The following ADCY8 variants were observed in gnomAD, a reference collection of about 807,000 sequenced individuals.
The protein encoded by ADCY8 is adenylate cyclase type 8.
A neutral mutation model predicts 119.7 loss-of-function variants in ADCY8; 51 were observed. The observed-to-expected ratio is 0.43, with a 90% CI of 0.34 to 0.54. ADCY8 has a LOEUF of 0.54. Among genes scored for constraint, ADCY8 ranks in the 20% least tolerant of loss-of-function variants. The probability of loss-of-function intolerance (pLI) is 0.03; values close to 1 mark genes in which losing one functional copy is unlikely to be tolerated. For missense variants in ADCY8, 1,383 were observed against 1,598.8 expected (o/e 0.87, Z 2.30); for synonymous variants, 665 against 651.0 (o/e 1.02, Z -0.33).
Position 130,905,809 on chromosome 8 carries a change from G to A in ADCY8, c.1641-1767C>T, listed in dbSNP as rs531512336. ...CAGACAGTTGAAGCTATAGTGAGCC[G>A]AGATCATGCCACTGCACTTCATTCT... On this transcript the variant is annotated intron_variant, in intron 6 of 17. Transcript: ENST00000286355. 7.8e-4 allele frequency among the ~76,000 whole-genome samples: 118 copies of A among 152,242 alleles called. 1 individual carries two copies. The highest frequency in any genetic ancestry group is 2.8e-3 in the African/African-American group (115 of 41,524).
chr8:130,866,179 A>C (rs972056191), intron 9 of ADCY8, among the ~76,000 whole-genome samples: 1 of 151,980 alleles, frequency 6.6e-6, no homozygotes, highest in Non-Finnish European at 1.5e-5. Flanking sequence ...TGGTTTTGCT[A>C]TCTAGTTGGT....
intron 1 of ADCY8, among the ~76,000 whole-genome samples, chr8:130,993,526 T>C (rs1453172120): frequency 6.6e-6 from 1 of 152,216 alleles, no homozygotes; most frequent in African/African-American, 2.4e-5. Context: ...GTAGCTCCCA[T>C]AATTCTGAGG....
At chr8:130,924,620 A>T (rs762866572) in intron 5 of ADCY8, among the ~76,000 whole-genome samples, 3 of 152,042 alleles carry the variant, frequency 2.0e-5, no homozygotes, top group African/African-American at 4.8e-5. Flanking sequence ...TACCATCCCT[A>T]CTGGATGCAA....
rs34853195 is a variant in ADCY8 at position 130,801,899 on chromosome 8, CTTTTTTTTTTTT to C, written c.2914-1339_2914-1328del. On this transcript the variant is annotated intron_variant, in intron 14 of 17. Coordinates refer to ENST00000286355, the MANE Select transcript of ADCY8 (RefSeq NM_001115.3). ...TCATGCCTGGCCCCTTTGAGAATGC[CTTTTTTTTTTTT>C]TTTTTTTTGCTTCTCTTACACCTTA... 5.1e-5 allele frequency among the ~76,000 whole-genome samples: 5 copies of C among 97,798 alleles called. No homozygotes were observed. In the East Asian group the frequency reaches 1.5e-3, roughly 29 times the overall value. 64.2% of individuals were successfully genotyped at this position (97,798 alleles called of 152,430 possible).
rs761355331 is a variant in ADCY8, at chr8:131,039,990, C to T, written c.344G>A (p.Ser115Asn). Residue 115 changes from serine (S) to asparagine (N), a missense_variant, in exon 1 of 18, where the codon AGC (serine) becomes AAC (asparagine). By Grantham distance (46) the Ser-to-Asn change is conservative. Transcript: ENST00000286355. ...GCCTCCGCTGCCGCTGGCACTGCCGCTCCCGCTGCGTTCCGGGAAGACTTT... is the reference window on the plus strand; with the variant it reads ...GCCTCCGCTGCCGCTGGCACTGCCGTTCCCGCTGCGTTCCGGGAAGACTTT... Reference protein sequence around the residue: ...GTKVFPERSGSGSASGSGGGG... With the variant: ...GTKVFPERSGNGSASGSGGGG... 78 of 1,571,960 alleles carry T rather than the reference C, an allele frequency of 5.0e-5. No individual in the cohort carries two copies. Among genetic ancestry groups the T allele is most frequent in the Non-Finnish European group, 4.6e-5 (53 of 1,160,266 alleles).
intron 1 of ADCY8, among the ~76,000 whole-genome samples, chr8:131,023,082 T>C (rs1823723206): frequency 6.6e-6 from 1 of 152,160 alleles, no homozygotes; most frequent in African/African-American, 2.4e-5. Flanking sequence ...CCTCAACTTC[T>C]TCATTTTCAA....
At chr8:130,942,476 T>C (rs1820984708) in intron 4 of ADCY8, among the ~76,000 whole-genome samples, 1 of 152,188 alleles carries the variant, frequency 6.6e-6, no homozygotes, top group Non-Finnish European at 1.5e-5. Context: ...GGAGGAGGTG[T>C]GTTTTCATCA....
At chr8:130,871,206 A>G (rs192746609) in intron 8 of ADCY8, among the ~76,000 whole-genome samples, 21 of 152,284 alleles carry the variant, frequency 1.4e-4, no homozygotes, top group African/African-American at 4.3e-4. Context: ...AAAGGTCTGA[A>G]CACTCTGGCT....
intron 5 of ADCY8, among the ~76,000 whole-genome samples, chr8:130,913,635 G>A (rs192799903): frequency 1.3e-5 from 2 of 151,532 alleles, no homozygotes; most frequent in African/African-American, 2.4e-5. Flanking sequence ...AGGATAAAAT[G>A]TTATGATATC....
At chr8:131,012,047 C>A (rs1228245283) in intron 1 of ADCY8, among the ~76,000 whole-genome samples, 1 of 152,158 alleles carries the variant, frequency 6.6e-6, no homozygotes, top group South Asian at 2.1e-4. Context: ...ATTTGGGGAG[C>A]CTGGCATCTC....
intron 2 of ADCY8, among the ~76,000 whole-genome samples, chr8:130,974,708 A>G (rs1356480680): frequency 6.6e-6 from 1 of 152,188 alleles, no homozygotes; most frequent in African/African-American, 2.4e-5. Flanking sequence ...TAATGATTTA[A>G]TTTCCCAGAA....
At chr8:130,867,752 T>TA (rs747859894) in intron 9 of ADCY8, 94 bp downstream of exon 9, 9 of 848,610 alleles carry the variant, frequency 1.1e-5, no homozygotes, top group Non-Finnish European at 1.7e-5. Context: ...TCAGTTATTT[T>TA]AAATTCTGAT....
chr8:130,846,885 CCCTTTCCTTCCTTCCTTCCTTCCTT>C (rs1353885693), intron 11 of ADCY8, among the ~76,000 whole-genome samples: 5 of 17,666 alleles, frequency 2.8e-4, no homozygotes, highest in African/African-American at 1.3e-3. Flanking sequence ...CCCTTCCCTT[CCCTTTCCTTCCTTCCTTCCTTCCTT>C]CCTTCCTTCC....
At chr8:130,808,705 TC>T (rs1398139166) in intron 14 of ADCY8, among the ~76,000 whole-genome samples, 1 of 152,204 alleles carries the variant, frequency 6.6e-6, no homozygotes, top group East Asian at 1.9e-4. Flanking sequence ...TGTGTTGTTA[TC>T]CGATTTAGCT....
rs551660322 is a variant in ADCY8 at position 130,956,124 on chromosome 8, A to C, written c.1111-4126T>G. On this transcript the variant is annotated intron_variant, in intron 2 of 17. Coordinates refer to ENST00000286355, the MANE Select transcript of ADCY8 (RefSeq NM_001115.3). Reference sequence around the variant, plus strand: ...TGTGCCACGGCACTCCAGCCTGGTCAACAGAGAAAGACCCTGCCTCAAAAA... The same window carrying C: ...TGTGCCACGGCACTCCAGCCTGGTCCACAGAGAAAGACCCTGCCTCAAAAA... Among the ~76,000 whole-genome samples the C allele has an allele frequency of 1.8e-4, 27 of 152,316 alleles. No homozygotes were observed. In the East Asian group the frequency reaches 4.0e-3, roughly 23 times the overall value.
At chr8:130,923,518 G>A (rs932431586) in intron 5 of ADCY8, among the ~76,000 whole-genome samples, 1 of 152,098 alleles carries the variant, frequency 6.6e-6, no homozygotes, top group Non-Finnish European at 1.5e-5. Flanking sequence ...GACTTTTTTA[G>A]CAATTGCACT....
chr8:130,881,157 CA>C (rs1818756386), intron 8 of ADCY8, among the ~76,000 whole-genome samples: 2 of 152,132 alleles, frequency 1.3e-5, no homozygotes, highest in African/African-American at 4.8e-5. Flanking sequence ...TCTTAGAGTT[CA>C]CAAAAAATAT....
At chr8:130,993,147 T>C (rs180940754) in intron 1 of ADCY8, among the ~76,000 whole-genome samples, 2 of 152,172 alleles carry the variant, frequency 1.3e-5, no homozygotes, top group Non-Finnish European at 2.9e-5. Flanking sequence ...AAAATAAAGC[T>C]GGCTTTGTTG....
intron 2 of ADCY8, among the ~76,000 whole-genome samples, chr8:130,987,994 C>T (rs2130736683): frequency 6.6e-6 from 1 of 152,316 alleles, no homozygotes. Context: ...CTTGCAAGGG[C>T]ATCTCACACA....
Sources: gnomAD v4.1 joint callset for allele counts (sites outside exome capture counted in the v4.1 genomes callset) on GRCh38, gnomAD v4.1.1 for gene constraint, MANE v1.5 for transcripts, NCBI Gene and HGNC (gene_info 2026-07-23, HGNC 2026-07-21) for gene names.